Variants in GATA3 observed in about 807,000 individuals in gnomAD.
The protein encoded by GATA3 is trans-acting T-cell-specific transcription factor GATA-3.
GATA3 carries 6 observed loss-of-function variants against 36.0 expected under a neutral mutation model. The ratio of observed to expected loss-of-function variants is 0.17; its 90% CI spans 0.09 to 0.33. The LOEUF is 0.33. Among genes scored for constraint, GATA3 ranks in the 10% least tolerant of loss-of-function variants. GATA3 has a pLI of 1.00. For missense variants in GATA3, 514 were observed against 610.1 expected (o/e 0.84, Z 1.66); for synonymous variants, 326 against 273.0 (o/e 1.19, Z -1.92).
At position 8,074,195 on chromosome 10, in the gene GATA3, G is replaced by A; in HGVS notation, c.*172G>A. 1.4e-6 allele frequency: 1 copy of A among 693,348 alleles called. No individual in the cohort carries two copies. Among genetic ancestry groups the A allele is most frequent in the East Asian group, 2.7e-5 (1 of 36,646 alleles). The allele number at this position is 693,348 out of a possible 1,614,324, so 42.9% of individuals were successfully genotyped here. The stretch of plus-strand genomic sequence containing the variant: ...CAAAGGAGCTCACTGTGGTGTCTGT[G>A]TTCCAACCACTGAATCTGGACCCCA... On this transcript the variant is annotated 3_prime_UTR_variant, in exon 6 of 6. Transcript: ENST00000379328.
rs2131488868 is a variant in GATA3 at position 8,058,441 on chromosome 10, C to T, written c.378C>T (p.Ser126=). 2 of 1,612,966 alleles carry T rather than the reference C, an allele frequency of 1.2e-6. No individual in the cohort carries two copies. The highest frequency in any genetic ancestry group is 1.6e-4 in the Middle Eastern group (1 of 6,062). ...CCAAGACGTCCATCCACCACGGCTC[C>T]CCGGGGCCCCTCTCCGTCTACCCCC... ...PFSKTSIHHG[S]PGPLSVYPPA... The change falls in exon 3 of 6, where the codon TCC becomes TCT. Residue 126 remains serine (S), a synonymous_variant. Transcript: ENST00000379328.
At position 8,055,817 on chromosome 10, in the gene GATA3, C is replaced by G. The variant is rs1211433734; in HGVS notation, c.162C>G (p.Asp54Glu). Residue 54 changes from aspartate (D) to glutamate (E), a missense_variant, in exon 2 of 6, where the codon GAC becomes GAG. By Grantham distance (45) the Asp-to-Glu change is conservative. Around this residue, in one of 3 missense-constraint regions of GATA3, gnomAD observed 381 missense variants for 354.3 expected, o/e 1.08. Coordinates refer to ENST00000379328, the MANE Select transcript of GATA3 (RefSeq NM_001002295.2). This position sits in a 1 kb window ranked among gnomAD's most constrained non-coding sequence, Gnocchi z 5.4. The part of the protein sequence containing the change: ...PEEVDVLFNI[D>E]GQGNHVPPYY... The stretch of plus-strand genomic sequence containing the variant: ...AGGTGGATGTGCTTTTTAACATCGA[C>G]GGTCAAGGCAACCACGTCCCGCCCT... 3 of 1,592,024 alleles carry G rather than the reference C, an allele frequency of 1.9e-6. No individual in the cohort carries two copies. The East Asian group carries it at 6.9e-5, about 36-fold the overall frequency.
chr10:8,047,269 A>G (rs1159475408), intron 1 of GATA3, among the ~76,000 whole-genome samples: 1 of 152,184 alleles, frequency 6.6e-6, no homozygotes, highest in Non-Finnish European at 1.5e-5. Context: ...CTGGAGGTTA[A>G]AGCAGTTTGC....
chr10:8,055,222 AGGGGAGGT>A lies in GATA3; in HGVS notation c.-369-64_-369-57del. On this transcript the variant is annotated intron_variant, in intron 1 of 5. Coordinates refer to ENST00000379328, the MANE Select transcript of GATA3 (RefSeq NM_001002295.2). This position sits in a 1 kb window ranked among gnomAD's most constrained non-coding sequence, Gnocchi z 5.4. Reference sequence around the variant, plus strand: ...GTGCGCTGGGCGGGCGGGCGGCGCGAGGGGAGGTTGTGCCACTCCAGCAACTCAGGGGC... The same window carrying A: ...GTGCGCTGGGCGGGCGGGCGGCGCGATGTGCCACTCCAGCAACTCAGGGGC... The A allele has an allele frequency of 7.4e-6, 2 of 268,778 alleles. No homozygotes were observed. Among genetic ancestry groups the A allele is most frequent in the Non-Finnish European group, 1.4e-5 (2 of 141,374 alleles). 16.6% of individuals were successfully genotyped at this position (268,778 alleles called of 1,614,324 possible).
chr10:8,064,163 T>A (rs1418096037), intron 4 of GATA3, 25 bp downstream of exon 4: 1 of 1,613,994 alleles, frequency 6.2e-7, no homozygotes, highest in East Asian at 2.2e-5. Flanking sequence ...AGGGATGGAT[T>A]CCATGCTGAC....
rs748832979 is a variant in GATA3 at position 8,074,044 on chromosome 10, G to A, written c.*21G>A. The A allele has an allele frequency of 6.2e-7, 1 of 1,613,228 alleles. No homozygotes were observed. The highest frequency in any genetic ancestry group is 1.1e-5 in the South Asian group (1 of 91,064). On this transcript the variant is annotated 3_prime_UTR_variant, in exon 6 of 6. Transcript: ENST00000379328. ...GTTAGAGCCCTGCTCGATGCTCACA[G>A]GGCCCCCAGCGAGAGTCCCTGCAGT...
intron 4 of GATA3, among the ~76,000 whole-genome samples, chr10:8,067,236 T>A (rs1220800654): frequency 2.0e-5 from 3 of 152,176 alleles, no homozygotes; most frequent in African/African-American, 7.2e-5. Flanking sequence ...CAATGTGAAT[T>A]ACATTCAAGA....
At chr10:8,062,088 C>T (rs999736092) in intron 3 of GATA3, among the ~76,000 whole-genome samples, 1 of 152,250 alleles carries the variant, frequency 6.6e-6, no homozygotes, top group African/African-American at 2.4e-5. Context: ...ACTCACCCTT[C>T]ACTCTTTCCT....
Position 8,058,346 on chromosome 10 carries a change from C to G in GATA3, c.283C>G (p.Pro95Ala), listed in dbSNP as rs377637087. ...CRPPLLHGSL[P>A]WLDGGKALGS... ...CCCGCCTCTGCTTCATGGATCCCTA[C>G]CCTGGCTGGACGGCGGCAAAGCCCT... is the stretch of plus-strand genomic sequence containing the variant. The change falls in exon 3 of 6, where the codon CCC (proline) becomes GCC (alanine). Residue 95 changes from proline to alanine, a missense_variant. By Grantham distance (27) the Pro-to-Ala change is conservative. Around this residue, in one of 3 missense-constraint regions of GATA3, gnomAD observed 381 missense variants for 354.3 expected, o/e 1.08. Transcript: ENST00000379328. 6.2e-7 allele frequency: 1 copy of G among 1,613,442 alleles called. No individual in the cohort carries two copies.
At chr10:8,065,504 G>A (rs1832822000) in intron 4 of GATA3, among the ~76,000 whole-genome samples, 1 of 151,668 alleles carries the variant, frequency 6.6e-6, no homozygotes, top group Non-Finnish European at 1.5e-5. Context: ...GTGATCCACC[G>A]CCTCGGCCTC....
chr10:8,057,886 A>T (rs1250717694), intron 2 of GATA3, among the ~76,000 whole-genome samples: 1 of 152,164 alleles, frequency 6.6e-6, no homozygotes, highest in East Asian at 1.9e-4. Flanking sequence ...GGCTGGGATT[A>T]AGTCCGAGTC....
In GATA3 at chr10:8,055,145, AGAGCCCTGCGG is replaced by A. The variant is rs1832602996; in HGVS notation, c.-369-140_-369-130del. 1 of 214,888 alleles carries A rather than the reference AGAGCCCTGCGG, an allele frequency of 4.7e-6. No individual in the cohort carries two copies. The highest frequency in any genetic ancestry group is 1.5e-4 in the South Asian group (1 of 6,506). The allele number at this position is 214,888 out of a possible 1,614,324, so 13.3% of individuals were successfully genotyped here. A position where few individuals can be genotyped will look rare whatever the true frequency, so the allele number is the denominator to read the frequency against. ...GAGCCGGGCTGCAGGGACGTCCCCG[AGAGCCCTGCGG>A]GCTCCGCGGCCGTGTCCCCGCGCTC... On this transcript the variant is annotated intron_variant, in intron 1 of 5. Transcript: ENST00000379328. This position sits in a 1 kb window ranked among gnomAD's most constrained non-coding sequence, Gnocchi z 5.4.
chr10:8,057,332 C>T (rs1328626450), intron 2 of GATA3, among the ~76,000 whole-genome samples: 11 of 152,088 alleles, frequency 7.2e-5, no homozygotes. Context: ...TTTAAATGTA[C>T]CCCTCAGAGT....
At chr10:8,061,170 G>A (rs569361958) in intron 3 of GATA3, among the ~76,000 whole-genome samples, 1 of 151,932 alleles carries the variant, frequency 6.6e-6, no homozygotes, top group South Asian at 2.1e-4. Context: ...TGGGGTTGTC[G>A]CTGGAAACGG....
chr10:8,063,940 C>T (rs1396197477), intron 3 of GATA3, 53 bp from the exon 4 acceptor site: 3 of 1,613,644 alleles, frequency 1.9e-6, no homozygotes, highest in East Asian at 2.2e-5. Flanking sequence ...ATGCTGTCAG[C>T]TTTCCTGCGT....
At chr10:8,046,864 T>C (rs1832395074) in intron 1 of GATA3, among the ~76,000 whole-genome samples, 1 of 152,084 alleles carries the variant, frequency 6.6e-6, no homozygotes, top group Non-Finnish European at 1.5e-5. Context: ...GAGGCCCTGC[T>C]TGCAGCTCCC....
At chr10:8,071,862 T>C (rs1390247167) in intron 5 of GATA3, among the ~76,000 whole-genome samples, 1 of 152,194 alleles carries the variant, frequency 6.6e-6, no homozygotes, top group Non-Finnish European at 1.5e-5. Context: ...TCAGTGGTGT[T>C]GTGACTGGTT....
At chr10:8,071,921 C>T (rs1241230443) in intron 5 of GATA3, among the ~76,000 whole-genome samples, 1 of 152,088 alleles carries the variant, frequency 6.6e-6, no homozygotes, top group Non-Finnish European at 1.5e-5. Context: ...TATTTAGATA[C>T]CTGGCTATGT....
At chr10:8,071,377 G>C (rs1239020774) in intron 5 of GATA3, among the ~76,000 whole-genome samples, 4 of 152,126 alleles carry the variant, frequency 2.6e-5, no homozygotes, top group African/African-American at 9.7e-5. Context: ...TTGTGTGTGT[G>C]TATATTTCAT....
Sources: allele counts gnomAD v4.1 joint callset (sites outside exome capture counted in the v4.1 genomes callset), GRCh38; gene constraint gnomAD v4.1.1; regional missense constraint gnomAD v4.1.1; non-coding constraint Gnocchi (gnomAD v3.1); transcripts MANE v1.5; gene names NCBI Gene and HGNC (gene_info 2026-07-23, HGNC 2026-07-21).